ADGRB3: variants seen among roughly 807,000 people sequenced by gnomAD.
The protein encoded by ADGRB3 is adhesion G protein-coupled receptor B3, also known as brain-specific angiogenesis inhibitor 3.
A neutral mutation model predicts 193.4 loss-of-function variants in ADGRB3; 37 were observed. The observed-to-expected ratio is 0.19, with a 90% CI of 0.15 to 0.25. ADGRB3 has a LOEUF of 0.25. ADGRB3 is among the 10% of genes least tolerant of loss of function. ADGRB3 has a pLI of 1.00. For synonymous variants in ADGRB3, 690 were observed against 644.2 expected (o/e 1.07, Z -1.08); for missense variants, 1,637 against 1,852.9 (o/e 0.88, Z 2.14).
chr6:68,991,981 C>T (rs2150274287), intron 10 of ADGRB3, among the ~76,000 whole-genome samples: 1 of 152,194 alleles, frequency 6.6e-6, no homozygotes, highest in South Asian at 2.1e-4. Flanking sequence ...CAAAGGTGTA[C>T]TTAGGGCATA....
intron 3 of ADGRB3, among the ~76,000 whole-genome samples, chr6:68,863,235 A>G (rs192205724): frequency 1.3e-5 from 2 of 152,110 alleles, no homozygotes; most frequent in East Asian, 1.9e-4. Context: ...ATTTTCAGAG[A>G]TACTTTATGT....
chr6:69,185,966 A>G (rs1044694263), intron 17 of ADGRB3, among the ~76,000 whole-genome samples: 2 of 152,112 alleles, frequency 1.3e-5, no homozygotes, highest in African/African-American at 4.8e-5. Context: ...CAATCTGAGT[A>G]AAAGAAAGAA....
chr6:68,774,082 A>T (rs2127357862), intron 3 of ADGRB3, among the ~76,000 whole-genome samples: 1 of 152,236 alleles, frequency 6.6e-6, no homozygotes, highest in African/African-American at 2.4e-5. Context: ...AGACAGAGTG[A>T]TGTCTAATAT....
chr6:69,335,263 G>A (rs1460313632), intron 24 of ADGRB3, among the ~76,000 whole-genome samples: 2 of 152,068 alleles, frequency 1.3e-5, no homozygotes, highest in African/African-American at 2.4e-5. Flanking sequence ...TAGAAGAAAT[G>A]ACAATAGTGT....
chr6:69,101,928 A>G (rs1010820553), intron 17 of ADGRB3, among the ~76,000 whole-genome samples: 14 of 152,170 alleles, frequency 9.2e-5, no homozygotes, highest in African/African-American at 3.4e-4. Flanking sequence ...AGTGGCTCAC[A>G]CTTGTAATCC....
intron 21 of ADGRB3, 44 bp from the exon 22 acceptor site, chr6:69,327,776 T>C: frequency 6.4e-7 from 1 of 1,567,912 alleles, no homozygotes; most frequent in Non-Finnish European, 8.7e-7. Flanking sequence ...GTATGCATAG[T>C]GGTTATAGCT....
At chr6:68,790,224 C>T (rs185531507) in intron 3 of ADGRB3, among the ~76,000 whole-genome samples, 30 of 152,246 alleles carry the variant, frequency 2.0e-4, no homozygotes, top group Middle Eastern at 3.4e-3. Context: ...GCTAGCACAG[C>T]GTCCGAGATC....
At chr6:69,098,110 T>TTTATTTTG (rs1772936574) in intron 17 of ADGRB3, among the ~76,000 whole-genome samples, 2 of 152,258 alleles carry the variant, frequency 1.3e-5, no homozygotes, top group South Asian at 4.1e-4. Flanking sequence ...ATAAAACCAA[T>TTTATTTTG]TAAAATAGTG....
At chr6:68,819,289 C>A (rs762640750) in intron 3 of ADGRB3, among the ~76,000 whole-genome samples, 47 of 151,936 alleles carry the variant, frequency 3.1e-4, no homozygotes, top group Non-Finnish European at 4.3e-4. Flanking sequence ...CTGACCATTT[C>A]TCATCGCTCT....
chr6:69,302,276 C>G (rs1767963715), intron 20 of ADGRB3, among the ~76,000 whole-genome samples: 1 of 151,952 alleles, frequency 6.6e-6, no homozygotes, highest in African/African-American at 2.4e-5. Flanking sequence ...ATGATCAGGA[C>G]TGCCCTTTCT....
At chr6:68,996,912 G>T (rs1769400708) in intron 11 of ADGRB3, among the ~76,000 whole-genome samples, 1 of 152,254 alleles carries the variant, frequency 6.6e-6, no homozygotes, top group African/African-American at 2.4e-5. Flanking sequence ...AACAACAAAA[G>T]TAGTGGTAAT....
At chr6:69,210,982 C>G (rs1451679393) in intron 17 of ADGRB3, among the ~76,000 whole-genome samples, 1 of 151,882 alleles carries the variant, frequency 6.6e-6, no homozygotes, top group South Asian at 2.1e-4. Context: ...ATTAACCAGG[C>G]GTGGTGGCAG....
intron 3 of ADGRB3, among the ~76,000 whole-genome samples, chr6:68,743,930 T>G (rs1347675899): frequency 6.6e-6 from 1 of 151,902 alleles, no homozygotes; most frequent in Non-Finnish European, 1.5e-5. Context: ...GTTAGAGCCC[T>G]CCTCCTTTTT....
chr6:68,997,229 A>G (rs1769410083), intron 11 of ADGRB3, among the ~76,000 whole-genome samples: 1 of 152,326 alleles, frequency 6.6e-6, no homozygotes, highest in Admixed American at 6.5e-5. Context: ...TACTCCAATA[A>G]ACATACACAG....
intron 3 of ADGRB3, among the ~76,000 whole-genome samples, chr6:68,787,592 C>G (rs886933630): frequency 6.6e-6 from 1 of 152,138 alleles, no homozygotes; most frequent in Non-Finnish European, 1.5e-5. Context: ...CGATGTTCAT[C>G]AAGAATATTG....
intron 17 of ADGRB3, among the ~76,000 whole-genome samples, chr6:69,113,855 G>C (rs910278913): frequency 5.3e-5 from 8 of 152,140 alleles, no homozygotes; most frequent in African/African-American, 1.9e-4. Flanking sequence ...GATTTAGATA[G>C]ATATTAATGA....
At chr6:69,063,202 C>T (rs1771801120) in intron 16 of ADGRB3, among the ~76,000 whole-genome samples, 166 bp downstream of exon 16, 3 of 151,700 alleles carry the variant, frequency 2.0e-5, no homozygotes, top group African/African-American at 7.3e-5. Flanking sequence ...TTATTCTATG[C>T]TTTTTTCATG....
At chr6:69,198,109 A>G (rs536984411) in intron 17 of ADGRB3, among the ~76,000 whole-genome samples, 1 of 152,052 alleles carries the variant, frequency 6.6e-6, no homozygotes, top group African/African-American at 2.4e-5. Context: ...TACTGTAGGT[A>G]TTTGGCTTAT....
At chr6:68,808,345 G>A (rs1190767002) in intron 3 of ADGRB3, among the ~76,000 whole-genome samples, 1 of 151,650 alleles carries the variant, frequency 6.6e-6, no homozygotes, top group South Asian at 2.1e-4. Flanking sequence ...GATACCATCG[G>A]AACAGTTCTC....
Sources: gnomAD v4.1 joint callset for allele counts (sites outside exome capture counted in the v4.1 genomes callset) on GRCh38, gnomAD v4.1.1 for gene constraint, MANE v1.5 for transcripts, NCBI Gene and HGNC (gene_info 2026-07-23, HGNC 2026-07-21) for gene names.